Variants in EVI5 observed in about 807,000 individuals in gnomAD.
The protein encoded by EVI5 is ecotropic viral integration site 5, also known as ecotropic viral integration site 5 protein homolog.
EVI5 carries 73 observed loss-of-function variants against 112.0 expected under a neutral mutation model. The ratio of observed to expected loss-of-function variants is 0.65; its 90% CI spans 0.54 to 0.79. EVI5 has a LOEUF of 0.79. Among genes scored for constraint, EVI5 ranks in the 30% least tolerant of loss-of-function variants. The pLI is 0.00. For synonymous variants in EVI5, 305 were observed against 319.9 expected (o/e 0.95, Z 0.50); for missense variants, 900 against 968.8 (o/e 0.93, Z 0.94).
rs550966472 is a variant in EVI5, at chr1:92,750,040, G to A, written c.-81-13413C>T. Among the ~76,000 whole-genome samples, 4 of 152,068 alleles carry A rather than the reference G, an allele frequency of 2.6e-5. No homozygotes were observed. In the South Asian group the frequency reaches 8.3e-4, roughly 32 times the overall value. On this transcript the variant is annotated intron_variant, in intron 1 of 19. Transcript: ENST00000684568. ...TAGACCCACAAGCACTTCAACTATT[G>A]GAATTATCAAATACAGAATATATAA...
chr1:92,777,193 C>A (rs977519100), intron 1 of EVI5, among the ~76,000 whole-genome samples: 1 of 152,184 alleles, frequency 6.6e-6, no homozygotes, highest in African/African-American at 2.4e-5. Flanking sequence ...CTGCCTCAGA[C>A]TCCCAAAGTG....
chr1:92,709,215 T>C (rs943159122), intron 2 of EVI5, among the ~76,000 whole-genome samples: 3 of 152,200 alleles, frequency 2.0e-5, no homozygotes, highest in African/African-American at 4.8e-5. Flanking sequence ...TCTGAGATGA[T>C]GGACATTTTC....
At chr1:92,624,409 T>A (rs1210422920) in intron 15 of EVI5, 75 bp from the exon 16 acceptor site, 1 of 1,206,374 alleles carries the variant, frequency 8.3e-7, no homozygotes, top group East Asian at 2.4e-5. Context: ...GAGCGCTTAT[T>A]TCAGGCCTGT....
intron 10 of EVI5, among the ~76,000 whole-genome samples, chr1:92,676,237 A>G (rs1248212009): frequency 6.6e-6 from 1 of 152,096 alleles, no homozygotes; most frequent in East Asian, 1.9e-4. Flanking sequence ...AAGGCAGGAA[A>G]GAGTATTAGT....
chr1:92,593,702 G>T (rs375494332), intron 18 of EVI5, among the ~76,000 whole-genome samples: 2 of 152,144 alleles, frequency 1.3e-5, no homozygotes, highest in Non-Finnish European at 2.9e-5. Context: ...TCCTTAAGCT[G>T]ATAAGCAACT....
chr1:92,612,709 CAAA>C (rs368453488), intron 16 of EVI5, among the ~76,000 whole-genome samples: 1 of 79,000 alleles, frequency 1.3e-5, no homozygotes, highest in Non-Finnish European at 2.3e-5. Context: ...GACTCCATCT[CAAA>C]AAAAAAAAAA....
At chr1:92,691,091 T>A (rs1007419244) in intron 9 of EVI5, among the ~76,000 whole-genome samples, 6 of 152,186 alleles carry the variant, frequency 3.9e-5, no homozygotes, top group Non-Finnish European at 7.4e-5. Flanking sequence ...AAGATTGGAA[T>A]AGGTGGTGCT....
chr1:92,611,616 G>A (rs903179048), intron 16 of EVI5, among the ~76,000 whole-genome samples: 14 of 150,742 alleles, frequency 9.3e-5, no homozygotes, highest in African/African-American at 2.9e-4. Flanking sequence ...GGAGAATGGC[G>A]TGAACCTGGG....
At chr1:92,644,252 T>C (rs1572077494) in intron 13 of EVI5, among the ~76,000 whole-genome samples, 2 of 152,192 alleles carry the variant, frequency 1.3e-5, no homozygotes, top group Admixed American at 6.5e-5. Flanking sequence ...AAAAGAAGTT[T>C]ACAACATCAT....
intron 1 of EVI5, chr1:92,756,708 C>A: frequency 2.0e-6 from 1 of 487,978 alleles, no homozygotes; most frequent in South Asian, 1.6e-5. Context: ...ACCGCTGTAT[C>A]GCCATCCTAC....
intron 18 of EVI5, among the ~76,000 whole-genome samples, chr1:92,588,860 A>T (rs991897914): frequency 2.0e-5 from 3 of 152,278 alleles, no homozygotes; most frequent in African/African-American, 7.2e-5. Context: ...AAACTATTAC[A>T]TACAAATTAT....
Position 92,735,622 on chromosome 1 carries a change from T to C in EVI5, c.149+776A>G, listed in dbSNP as rs531409288. Among the ~76,000 whole-genome samples, 400 of 127,442 alleles carry C rather than the reference T, an allele frequency of 3.1e-3. 1 individual carries two copies. The highest frequency in any genetic ancestry group is 0.01 in the African/African-American group (357 of 34,606). 83.6% of individuals were successfully genotyped at this position (127,442 alleles called of 152,430 possible). On this transcript the variant is annotated intron_variant, in intron 2 of 19. Coordinates refer to ENST00000684568, the MANE Select transcript of EVI5 (RefSeq NM_001350197.2). ...ATATTATGTATTATATATAATTATATGATATATGATATATGTCATATATAT... is the reference window on the plus strand; with the variant it reads ...ATATTATGTATTATATATAATTATACGATATATGATATATGTCATATATAT...
In EVI5 at chr1:92,636,283, T is replaced by A; in HGVS notation, c.1446A>T (p.Glu482Asp). 1 of 1,613,776 alleles carries A rather than the reference T, an allele frequency of 6.2e-7. No individual in the cohort carries two copies. Among genetic ancestry groups the A allele is most frequent in the Non-Finnish European group, 8.5e-7 (1 of 1,179,656 alleles). ...CTTCACTCAGTCGGGCTTGGACCAA[T>A]TCCTTCTCTAGCTGTAGCACAAAAT... ...NEDFVLQLEK[E>D]LVQARLSEAE... The change falls in exon 14 of 20, where the codon GAA becomes GAT. Residue 482 changes from glutamate to aspartate, a missense_variant. Transcript: ENST00000684568.
intron 16 of EVI5, among the ~76,000 whole-genome samples, chr1:92,613,340 C>T (rs1043772501): frequency 3.9e-5 from 6 of 151,992 alleles, no homozygotes; most frequent in Non-Finnish European, 5.9e-5. Context: ...CTCTTGTTGC[C>T]CAGGCTGGAG....
rs550843217 is a variant in EVI5 at position 92,549,755 on chromosome 1, T to C, written c.2166+13887A>G. 1.7e-3 allele frequency among the ~76,000 whole-genome samples: 262 copies of C among 152,274 alleles called. 6 individuals are homozygous for C. Among genetic ancestry groups the C allele is most frequent in the Non-Finnish European group, 2.9e-3 (200 of 68,020 alleles). On this transcript the variant is annotated intron_variant, in intron 19 of 19. Coordinates refer to ENST00000684568, the MANE Select transcript of EVI5 (RefSeq NM_001350197.2). ...CAACAGACACATGAAAAAATGCTCA[T>C]CATCACTGGTCATCAGAGAAATGCA...
intron 18 of EVI5, among the ~76,000 whole-genome samples, chr1:92,597,508 A>G (rs1287105671): frequency 6.6e-6 from 1 of 152,222 alleles, no homozygotes; most frequent in Non-Finnish European, 1.5e-5. Flanking sequence ...CTGTAATGGT[A>G]AATTCATTTG....
At chr1:92,617,221 C>A (rs1653396373) in intron 16 of EVI5, among the ~76,000 whole-genome samples, 1 of 152,224 alleles carries the variant, frequency 6.6e-6, no homozygotes, top group Admixed American at 6.5e-5. Context: ...GAACTTCGAG[C>A]AGAGCACTTG....
upstream of EVI5, among the ~76,000 whole-genome samples, chr1:92,785,315 C>T (rs1243801279): frequency 6.6e-6 from 1 of 152,352 alleles, no homozygotes; most frequent in Middle Eastern, 3.4e-3. Flanking sequence ...CCGACTTCCC[C>T]GGCCACTGGA....
chr1:92,626,395 T>C (rs913705105), intron 14 of EVI5, among the ~76,000 whole-genome samples: 16 of 152,200 alleles, frequency 1.1e-4, no homozygotes, highest in Admixed American at 6.5e-4. Flanking sequence ...TTCCACTGTA[T>C]AGATATACCA....
Sources: allele counts gnomAD v4.1 joint callset (sites outside exome capture counted in the v4.1 genomes callset), GRCh38; gene constraint gnomAD v4.1.1; transcripts MANE v1.5; gene names NCBI Gene and HGNC (gene_info 2026-07-23, HGNC 2026-07-21).